The following PRORP variants were observed in gnomAD, a reference collection of about 807,000 sequenced individuals.
PRORP encodes protein only RNase P catalytic subunit.
In PRORP, 51 loss-of-function variants were observed where a neutral mutation model predicts 59.4. The ratio of observed to expected loss-of-function variants is 0.86; its 90% confidence interval spans 0.69 to 1.08. PRORP has a LOEUF of 1.08. PRORP is among the 50% of genes least tolerant of loss of function. PRORP has a pLI of 0.00. For missense variants in PRORP, 646 were observed against 690.3 expected, an observed-to-expected ratio of 0.94 and a Z score of 0.72; for synonymous variants, 231 against 245.6, an observed-to-expected ratio of 0.94 and a Z score of 0.55.
chr14:35,125,984 T>C (rs1321818359), intron 2 of PRORP, among the ~76,000 whole-genome samples: 2 of 152,090 alleles, frequency 1.3e-5, no homozygotes, highest in African/African-American at 4.8e-5. Flanking sequence ...GATGGCGCCA[T>C]GCACTCCAAC....
At chr14:35,249,954 T>C (rs1040742981) in intron 5 of PRORP, among the ~76,000 whole-genome samples, 2 of 152,044 alleles carry the variant, frequency 1.3e-5, no homozygotes, top group Non-Finnish European at 2.9e-5. Context: ...CATGGTTTTA[T>C]CCAAGAAAAG....
intron 5 of PRORP, among the ~76,000 whole-genome samples, chr14:35,220,832 A>G (rs1201498706): frequency 1.3e-5 from 2 of 152,212 alleles, no homozygotes; most frequent in African/African-American, 4.8e-5. Flanking sequence ...TGCAGGGATG[A>G]GTATACTAGA....
chr14:35,232,842 T>A (rs1459616068), intron 5 of PRORP, among the ~76,000 whole-genome samples: 2 of 152,052 alleles, frequency 1.3e-5, no homozygotes. Flanking sequence ...CCGGCTAATT[T>A]TTTTGTATTT....
At chr14:35,229,027 A>C (rs917014180) in intron 5 of PRORP, among the ~76,000 whole-genome samples, 1 of 152,132 alleles carries the variant, frequency 6.6e-6, no homozygotes, top group African/African-American at 2.4e-5. Context: ...GTTTTGATTT[A>C]TAGTTCTCTG....
Position 35,123,395 on chromosome 14 carries a change from A to T in PRORP, c.150A>T (p.Thr50=). 2 of 1,614,154 alleles carry T rather than the reference A, an allele frequency of 1.2e-6. No homozygotes were observed. Among genetic ancestry groups the T allele is most frequent in the Non-Finnish European group, 1.7e-6 (2 of 1,180,004 alleles). ...AGCAGAGGTTGTTTTCTCTTAAAACAATGTCTCCACAGAATACCAAAGCAA... is the reference window on the plus strand; with the variant it reads ...AGCAGAGGTTGTTTTCTCTTAAAACTATGTCTCCACAGAATACCAAAGCAA... The part of the protein sequence containing the change: ...RNQQRLFSLK[T]MSPQNTKATN... The change falls in exon 2 of 8, where the codon ACA becomes ACT. Residue 50 remains threonine (T), a synonymous_variant. Transcript: ENST00000534898.
chr14:35,165,108 C>A (rs2048151204), intron 4 of PRORP, among the ~76,000 whole-genome samples: 2 of 152,226 alleles, frequency 1.3e-5, no homozygotes, highest in South Asian at 2.1e-4. Context: ...AGGTTTAGGC[C>A]CCGTGTGTAA....
chr14:35,188,244 G>T, intron 5 of PRORP, among the ~76,000 whole-genome samples: 1 of 144,756 alleles, frequency 6.9e-6, no homozygotes, highest in Non-Finnish European at 1.5e-5. Context: ...AGGCTGGAGT[G>T]CAGTGGCATG....
chr14:35,247,945 A>G (rs564090599), intron 5 of PRORP, among the ~76,000 whole-genome samples: 83 of 152,120 alleles, frequency 5.5e-4, no homozygotes, highest in Admixed American at 9.8e-4. Flanking sequence ...ATCTAGGCCA[A>G]CGATTTAATA....
At chr14:35,122,160 T>TG (rs1013096647), upstream of PRORP, 9 of 581,566 alleles carry the variant, frequency 1.5e-5, no homozygotes, top group African/African-American at 5.6e-5. Context: ...CCACGCTGAC[T>TG]GGGGGAAAAA....
intron 5 of PRORP, among the ~76,000 whole-genome samples, chr14:35,202,705 C>T (rs1022382266): frequency 2.6e-5 from 4 of 152,188 alleles, no homozygotes; most frequent in African/African-American, 9.7e-5. Flanking sequence ...TTATAGCTCA[C>T]TGCAGCCTTG....
chr14:35,169,630 A>G (rs1039955263), intron 4 of PRORP, among the ~76,000 whole-genome samples: 2 of 152,206 alleles, frequency 1.3e-5, no homozygotes, highest in Non-Finnish European at 2.9e-5. Flanking sequence ...TTCACTCACT[A>G]TCACGAGAAC....
chr14:35,134,736 G>A (rs978692461), intron 4 of PRORP, among the ~76,000 whole-genome samples: 1 of 152,150 alleles, frequency 6.6e-6, no homozygotes, highest in Non-Finnish European at 1.5e-5. Flanking sequence ...GAGACTGTGA[G>A]ATGTGCGGCC....
At chr14:35,136,487 G>C (rs1345893428) in intron 4 of PRORP, among the ~76,000 whole-genome samples, 1 of 145,280 alleles carries the variant, frequency 6.9e-6, no homozygotes, top group Non-Finnish European at 1.5e-5. Flanking sequence ...CAATTCTCCT[G>C]TCTCAGCCGC....
intron 4 of PRORP, among the ~76,000 whole-genome samples, chr14:35,179,410 C>G (rs1159348439): frequency 6.6e-6 from 1 of 152,156 alleles, no homozygotes; most frequent in African/African-American, 2.4e-5. Flanking sequence ...CATATAGTCC[C>G]ATATTTCTTG....
chr14:35,267,386 G>T (rs2051067195), intron 6 of PRORP, among the ~76,000 whole-genome samples: 1 of 152,180 alleles, frequency 6.6e-6, no homozygotes, highest in African/African-American at 2.4e-5. Flanking sequence ...GGTTGTGAAT[G>T]GGGTGGTCAG....
At chr14:35,207,033 T>C (rs551808529) in intron 5 of PRORP, among the ~76,000 whole-genome samples, 1 of 152,326 alleles carries the variant, frequency 6.6e-6, no homozygotes, top group East Asian at 1.9e-4. Context: ...CTTTTAAGAT[T>C]ATTAATATCA....
Position 35,123,575 on chromosome 14 carries a change from C to T in PRORP, c.330C>T (p.Asn110=), listed in dbSNP as rs746513900. The change falls in exon 2 of 8, where the codon AAC becomes AAT. Residue 110 remains asparagine, a synonymous_variant. Transcript: ENST00000534898. ...ATCATGCCTTGGCACCTGTGAGGAA[C>T]ACTATTCAACTCCCAACACAACCTT... ...TEDHALAPVR[N]TIQLPTQPLN... The T allele has an allele frequency of 2.5e-6, 4 of 1,614,154 alleles. No individual in the cohort carries two copies. Among genetic ancestry groups the T allele is most frequent in the Non-Finnish European group, 3.4e-6 (4 of 1,180,034 alleles).
chr14:35,268,370 A>G (rs1594361813), intron 6 of PRORP, among the ~76,000 whole-genome samples: 1 of 145,686 alleles, frequency 6.9e-6, no homozygotes, highest in African/African-American at 2.6e-5. Flanking sequence ...AAAACAACCC[A>G]CAAACCTACA....
At chr14:35,263,699 T>A (rs889169429) in intron 5 of PRORP, among the ~76,000 whole-genome samples, 1 of 151,914 alleles carries the variant, frequency 6.6e-6, no homozygotes, top group African/African-American at 2.4e-5. Flanking sequence ...AAAAAAATAA[T>A]AATAATAATA....
Sources: gnomAD v4.1 joint callset for allele counts (sites outside exome capture counted in the v4.1 genomes callset) on GRCh38, gnomAD v4.1.1 for gene constraint, MANE v1.5 for transcripts, NCBI Gene and HGNC (gene_info 2026-07-23, HGNC 2026-07-21) for gene names.